The following RBBP8 variants were observed in gnomAD, a reference collection of about 807,000 sequenced individuals.
RBBP8 encodes the protein DNA endonuclease RBBP8.
RBBP8 carries 88 observed loss-of-function variants against 108.3 expected under a neutral mutation model. The ratio of observed to expected loss-of-function variants is 0.81; its 90% CI spans 0.68 to 0.97. The LOEUF (loss-of-function observed/expected upper bound fraction) is 0.97, where lower values mean the gene tolerates loss of function less well. Ranked by LOEUF, RBBP8 falls within the 50% of genes least tolerant of loss-of-function variation. RBBP8 has a pLI of 0.00. For missense variants in RBBP8, 1,023 were observed against 1,049.0 expected, an observed-to-expected ratio of 0.98 and a Z score of 0.34; for synonymous variants, 332 against 348.2, an observed-to-expected ratio of 0.95 and a Z score of 0.52.
At chr18:22,951,099 C>G (rs796867725) in intron 4 of RBBP8, among the ~76,000 whole-genome samples, 13 of 152,304 alleles carry the variant, frequency 8.5e-5, no homozygotes, top group African/African-American at 3.1e-4. Flanking sequence ...GAATAAAGAC[C>G]TGTGCGCTTT....
At chr18:22,927,982 G>C (rs1228744606) in intron 3 of RBBP8, among the ~76,000 whole-genome samples, 2 of 151,740 alleles carry the variant, frequency 1.3e-5, no homozygotes, top group Non-Finnish European at 2.9e-5. Context: ...GCCGAGGAGG[G>C]TGGATCACCT....
chr18:23,016,654 A>G, intron 16 of RBBP8, 174 bp from the exon 17 acceptor site: 1 of 616,608 alleles, frequency 1.6e-6, no homozygotes, highest in East Asian at 2.8e-5. Context: ...AGTTAGAAAA[A>G]AATACCCATA....
chr18:23,019,767 T>TTC (rs1434817468), intron 17 of RBBP8, among the ~76,000 whole-genome samples: 1 of 150,140 alleles, frequency 6.7e-6, no homozygotes, highest in East Asian at 1.9e-4. Context: ...TATAATTTTT[T>TTC]TTTTTTTTTT....
chr18:23,021,820 CTTTT>C (rs397735746), intron 17 of RBBP8, among the ~76,000 whole-genome samples: 1 of 141,156 alleles, frequency 7.1e-6, no homozygotes, highest in Non-Finnish European at 1.5e-5. Context: ...GATCAGCTGG[CTTTT>C]TTTTTTTTTA....
intron 16 of RBBP8, among the ~76,000 whole-genome samples, chr18:23,012,207 CCAAAAAAAA>C (rs1162913690): frequency 6.2e-5 from 5 of 81,176 alleles, no homozygotes; most frequent in Non-Finnish European, 1.1e-4. Flanking sequence ...GATGCTGTCT[CCAAAAAAAA>C]AAAAAAAAAA....
chr18:22,928,465 T>G (rs2144353734), upstream of RBBP8, among the ~76,000 whole-genome samples: 1 of 151,736 alleles, frequency 6.6e-6, no homozygotes, highest in Non-Finnish European at 1.5e-5. Context: ...AAAGATGAAG[T>G]GTAACAAATG....
At chr18:22,943,354 G>A (rs965924407) in intron 2 of RBBP8, among the ~76,000 whole-genome samples, 3 of 152,064 alleles carry the variant, frequency 2.0e-5, no homozygotes, top group Middle Eastern at 3.4e-3. Context: ...CAGGAGGATC[G>A]CTTGGGCCTG....
At position 23,017,411 on chromosome 18, in the gene RBBP8, T is replaced by C. The variant is rs373476687; in HGVS notation, c.2454+487T>C. 4.6e-5 allele frequency among the ~76,000 whole-genome samples: 7 copies of C among 151,106 alleles called. No individual in the cohort carries two copies. In the East Asian group the frequency reaches 7.8e-4, roughly 17 times the overall value. On this transcript the variant is annotated intron_variant, in intron 17 of 18. Transcript: ENST00000327155. ...GCTCACACCTGTAATCCCAGCACTT[T>C]GGGAGGCCAAGGCGGGCGGATCACG...
rs1197873806 is a variant in RBBP8, at chr18:23,011,737, C to T, written c.2358-5091C>T. Among the ~76,000 whole-genome samples, 3 of 152,208 alleles carry T rather than the reference C, an allele frequency of 2.0e-5. No individual in the cohort carries two copies. In the East Asian group the frequency reaches 5.8e-4, roughly 29 times the overall value. Reference sequence around the variant, plus strand: ...CACAGGCGTGAGCCACCGTGCCCGGCCTGATGCTGTTATTATAAGTGTTTT... The same window carrying T: ...CACAGGCGTGAGCCACCGTGCCCGGTCTGATGCTGTTATTATAAGTGTTTT... On this transcript the variant is annotated intron_variant, in intron 16 of 18. Coordinates refer to ENST00000327155, the MANE Select transcript of RBBP8 (RefSeq NM_002894.3).
intron 6 of RBBP8, among the ~76,000 whole-genome samples, chr18:22,981,161 AG>A (rs1232127585): frequency 1.1e-4 from 17 of 151,132 alleles, no homozygotes; most frequent in African/African-American, 3.9e-4. Flanking sequence ...TAGTAGAGAC[AG>A]GGTTTCACCG....
At chr18:23,000,594 T>C (rs1053962545) in intron 14 of RBBP8, among the ~76,000 whole-genome samples, 1 of 151,728 alleles carries the variant, frequency 6.6e-6, no homozygotes, top group African/African-American at 2.4e-5. Flanking sequence ...ATACAAACAT[T>C]AGCCGGGTAT....
intron 12 of RBBP8, among the ~76,000 whole-genome samples, chr18:22,994,597 G>A (rs1459488449): frequency 6.7e-6 from 1 of 148,296 alleles, no homozygotes; most frequent in Non-Finnish European, 1.5e-5. Context: ...AGCCGAGATC[G>A]TGCCACTGCA....
chr18:22,925,649 T>C (rs985146771), intron 3 of RBBP8, among the ~76,000 whole-genome samples: 17 of 152,248 alleles, frequency 1.1e-4, no homozygotes, highest in Non-Finnish European at 1.5e-4. Context: ...TTTTTTCACA[T>C]GGACAAAGCA....
chr18:23,012,224 A>AAAAAAAAAAAC, intron 16 of RBBP8, among the ~76,000 whole-genome samples: 1 of 150,614 alleles, frequency 6.6e-6, no homozygotes, highest in Non-Finnish European at 1.5e-5. Context: ...AAAAAAAAAA[A>AAAAAAAAAAAC]AAAAAAACCA....
At chr18:22,962,494 G>A (rs1913186941) in intron 4 of RBBP8, among the ~76,000 whole-genome samples, 1 of 151,910 alleles carries the variant, frequency 6.6e-6, no homozygotes, top group Non-Finnish European at 1.5e-5. Context: ...AACCTAACTG[G>A]ATCTTCTATC....
At chr18:23,010,762 C>CA (rs11381748) in intron 16 of RBBP8, among the ~76,000 whole-genome samples, 26,844 of 152,046 alleles carry the variant, frequency 0.18, 3,149 homozygotes, top group African/African-American at 0.34. Context: ...CTAGAATTCT[C>CA]AGAGTTACAT....
In RBBP8 at chr18:22,916,214, A is replaced by G. The variant is rs1424126743; in HGVS notation, c.-239-727A>G. Reference sequence around the variant, plus strand: ...TTTATTCCTAGCTGCACAATTTCGCATAACTCTTTCTGTCAACAATGCTAG... The same window carrying G: ...TTTATTCCTAGCTGCACAATTTCGCGTAACTCTTTCTGTCAACAATGCTAG... On this transcript the variant is annotated intron_variant, in intron 2 of 4. Coordinates refer to the RBBP8 transcript ENST00000577588. 2.6e-5 allele frequency among the ~76,000 whole-genome samples: 4 copies of G among 152,046 alleles called. No individual in the cohort carries two copies. The South Asian group carries it at 6.2e-4, about 24-fold the overall frequency.
intron 4 of RBBP8, among the ~76,000 whole-genome samples, chr18:22,962,951 CT>C (rs546468791): frequency 6.6e-5 from 10 of 151,792 alleles, no homozygotes; most frequent in African/African-American, 1.7e-4. Flanking sequence ...TTTACTTTCC[CT>C]TTTTTTTGTC....
chr18:23,006,600 C>T (rs1387153716), intron 16 of RBBP8, among the ~76,000 whole-genome samples, 168 bp downstream of exon 16: 2 of 152,076 alleles, frequency 1.3e-5, no homozygotes, highest in East Asian at 1.9e-4. Flanking sequence ...CTCCTAGGCT[C>T]AAGCAATACT....
Sources: allele counts gnomAD v4.1 joint callset (sites outside exome capture counted in the v4.1 genomes callset), GRCh38; gene constraint gnomAD v4.1.1; transcripts MANE v1.5; gene names NCBI Gene and HGNC (gene_info 2026-07-23, HGNC 2026-07-21).